The following C1GALT1C1L variants were observed in gnomAD, a reference collection of about 807,000 sequenced individuals.
The protein encoded by C1GALT1C1L is C1GALT1 specific chaperone 1 like.
Under a neutral mutation model 0.5 loss-of-function variants are expected in C1GALT1C1L, and 1 was observed. The observed-to-expected ratio is 2.11, with a 90% confidence interval of 0.75 to 10.02. The LOEUF (loss-of-function observed/expected upper bound fraction) is 10.02, where lower values mean the gene tolerates loss of function less well. Among genes scored for constraint, C1GALT1C1L ranks in the 30% most tolerant of loss-of-function variants. The probability of loss-of-function intolerance (pLI) is 0.13; values close to 1 mark genes in which losing one functional copy is unlikely to be tolerated. For missense variants in C1GALT1C1L, 444 were observed against 375.5 expected (o/e 1.18, Z -1.51); for synonymous variants, 148 against 132.6 (o/e 1.12, Z -0.80).
rs756926163 is a variant in C1GALT1C1L at position 43,675,960 on chromosome 2, C to G, written c.363G>C (p.Arg121Ser). ...TTTCAAAGACGTATTTGTAAGCGGT[C>G]CTCATCTGTACCCACCTGTCATTAC... Reference protein sequence around the residue: ...IESNDRWVQMRTAYKYVFEKY... With the variant: ...IESNDRWVQMSTAYKYVFEKY... The change falls in exon 1 of 1, where the codon AGG becomes AGC. Residue 121 changes from arginine (R) to serine (S), a missense_variant. Physicochemically the swap from Arg to Ser is moderately radical, Grantham distance 110. Transcript: ENST00000475092. The G allele has an allele frequency of 8.7e-6, 14 of 1,613,838 alleles. No individual in the cohort carries two copies. In the Admixed American group the frequency reaches 1.2e-4, roughly 13 times the overall value.
rs1456264744 is a variant in C1GALT1C1L at position 43,675,840 on chromosome 2, T to A, written c.483A>T (p.Ala161=). Residue 161 remains alanine, a synonymous_variant, in exon 1 of 1, where the codon GCA becomes GCT. Transcript: ENST00000475092. ...TGTGGCCCAGATAGAAGGGCTGGGA[T>A]GCATCCCTTGTAAACAAAAGGTACT... is the stretch of plus-strand genomic sequence containing the variant. The part of the protein sequence containing the change: ...NLKYLLFTRD[A]SQPFYLGHTV... 2.5e-6 allele frequency: 4 copies of A among 1,613,898 alleles called. No individual in the cohort carries two copies. The highest frequency in any genetic ancestry group is 3.4e-6 in the Non-Finnish European group (4 of 1,179,916).
Position 43,675,335 on chromosome 2 carries a change from A to T in C1GALT1C1L, c.*40T>A, listed in dbSNP as rs1275306257. The T allele has an allele frequency of 1.6e-5, 22 of 1,402,778 alleles. No homozygotes were observed. The highest frequency in any genetic ancestry group is 2.1e-5 in the Non-Finnish European group (22 of 1,047,064). 86.9% of individuals were successfully genotyped at this position (1,402,778 alleles called of 1,614,324 possible). ...TCAGAATTTGGACTAGCCACATTTC[A>T]AGTGCTCTTGGACAGCACAGGTCTA... On this transcript the variant is annotated 3_prime_UTR_variant, in exon 1 of 1. Coordinates refer to ENST00000475092, the MANE Select transcript of C1GALT1C1L (RefSeq NM_001101330.3).
At position 43,676,094 on chromosome 2, in the gene C1GALT1C1L, C is replaced by T. The variant is rs772335664; in HGVS notation, c.229G>A (p.Glu77Lys). Residue 77 changes from glutamate to lysine, a missense_variant, in exon 1 of 1, where the codon GAA becomes AAA. By Grantham distance (56) the Glu-to-Lys change is moderately conservative. Transcript: ENST00000475092. ...SIRVFCIIFG[E>K]SEDESYWAVL... ...GCCCAGTAACTCTCATCTTCGGATT[C>T]TCCAAAGATGATACAGAAAACACGA... 18 of 1,613,666 alleles carry T rather than the reference C, an allele frequency of 1.1e-5. No homozygotes were observed. The highest frequency in any genetic ancestry group is 1.7e-5 in the Admixed American group (1 of 59,984).
chr2:43,675,180 C>A lies in C1GALT1C1L; in HGVS notation c.*195G>T. On this transcript the variant is annotated 3_prime_UTR_variant, in exon 1 of 1. Coordinates refer to ENST00000475092, the MANE Select transcript of C1GALT1C1L (RefSeq NM_001101330.3). ...TTTTAATAGTATATTTTATTTAATG[C>A]AAAATATCCAAAACATTATTTCAAT... 2.3e-6 allele frequency: 1 copy of A among 427,824 alleles called. No individual in the cohort carries two copies. 26.5% of individuals were successfully genotyped at this position (427,824 alleles called of 1,614,324 possible). A position where few individuals can be genotyped will look rare whatever the true frequency, so the allele number is the denominator to read the frequency against.
At position 43,676,410 on chromosome 2, in the gene C1GALT1C1L, G is replaced by T. The variant is rs1472274588; in HGVS notation, c.-88C>A. The T allele has an allele frequency of 9.1e-6, 10 of 1,097,534 alleles. No individual in the cohort carries two copies. Among genetic ancestry groups the T allele is most frequent in the East Asian group, 2.5e-5 (1 of 40,406 alleles). 68.0% of individuals were successfully genotyped at this position (1,097,534 alleles called of 1,614,324 possible). A position where few individuals can be genotyped will look rare whatever the true frequency, so the allele number is the denominator to read the frequency against. On this transcript the variant is annotated 5_prime_UTR_variant, in exon 1 of 1. Transcript: ENST00000475092. ...CGCGCCTTCCGGAGCTGGCGGCTGC[G>T]CTCCCGGTTGGGCCACTCTAGCTGC...
chr2:43,676,183 G>A lies in C1GALT1C1L; in HGVS notation c.140C>T (p.Pro47Leu). The A allele has an allele frequency of 6.2e-7, 1 of 1,614,036 alleles. No homozygotes were observed. The highest frequency in any genetic ancestry group is 8.5e-7 in the Non-Finnish European group (1 of 1,179,898). ...TQDHEHHHLR[P>L]PNRNDFLNTS... Reference sequence around the variant, plus strand: ...GTTTAAGAAATCGTTCCTGTTAGGTGGACGAAGGTGATGGTGCTCGTGGTC... The same window carrying A: ...GTTTAAGAAATCGTTCCTGTTAGGTAGACGAAGGTGATGGTGCTCGTGGTC... The change falls in exon 1 of 1, where the codon CCA becomes CTA. Residue 47 changes from proline (P) to leucine (L), a missense_variant. Pro to Leu is a moderately conservative substitution (Grantham distance 98). Coordinates refer to ENST00000475092, the MANE Select transcript of C1GALT1C1L (RefSeq NM_001101330.3).
chr2:43,675,613 T>C lies in C1GALT1C1L; in HGVS notation c.710A>G (p.Tyr237Cys), dbSNP rs1307430590. Residue 237 changes from tyrosine to cysteine, a missense_variant, in exon 1 of 1, where the codon TAT becomes TGT. Coordinates refer to ENST00000475092, the MANE Select transcript of C1GALT1C1L (RefSeq NM_001101330.3). ...TGTATTAAATACATCTCTTCCTTCA[T>C]AATCCTCTGCATTTTCTGCATGAAC... ...AGVHAENAED[Y>C]EGRDVFNTKP... 1 of 1,613,826 alleles carries C rather than the reference T, an allele frequency of 6.2e-7. No individual in the cohort carries two copies. The highest frequency in any genetic ancestry group is 1.3e-5 in the African/African-American group (1 of 75,066).
chr2:43,676,313 C>G lies in C1GALT1C1L; in HGVS notation c.10G>C (p.Ala4Pro). MVS[A>P]SGTSFFKGML... ...CCCTTAAAAAATGATGTCCCACTAG[C>G]GGAAACCATTTTCCAGGCGTTAGGA... Residue 4 changes from alanine to proline, a missense_variant, in exon 1 of 1, where the codon GCT (alanine) becomes CCT (proline). Transcript: ENST00000475092. The G allele has an allele frequency of 6.2e-7, 1 of 1,605,962 alleles. No homozygotes were observed. The highest frequency in any genetic ancestry group is 8.5e-7 in the Non-Finnish European group (1 of 1,176,166).
In C1GALT1C1L at chr2:43,676,380, G is replaced by C. The variant is rs1667791332; in HGVS notation, c.-58C>G. ...AAGGCAGCCTGGGACCGGGTCCTGG[G>C]GTCCCGCGCCTTCCGGAGCTGGCGG... On this transcript the variant is annotated 5_prime_UTR_variant, in exon 1 of 1. Coordinates refer to ENST00000475092, the MANE Select transcript of C1GALT1C1L (RefSeq NM_001101330.3). 4.2e-6 allele frequency: 6 copies of C among 1,415,778 alleles called. No individual in the cohort carries two copies. The Admixed American group carries it at 9.6e-5, about 23-fold the overall frequency. 87.7% of individuals were successfully genotyped at this position (1,415,778 alleles called of 1,614,324 possible). A position where few individuals can be genotyped will look rare whatever the true frequency, so the allele number is the denominator to read the frequency against.
Position 43,676,262 on chromosome 2 carries a change from C to G in C1GALT1C1L, c.61G>C (p.Val21Leu). Residue 21 changes from valine (V) to leucine (L), a missense_variant, in exon 1 of 1, where the codon GTT becomes CTT. Val to Leu is a conservative substitution (Grantham distance 32, BLOSUM62 1). Coordinates refer to ENST00000475092, the MANE Select transcript of C1GALT1C1L (RefSeq NM_001101330.3). ...ATTTGGCCAAACATAGTTATCAAAA[C>G]CCAGGAAATGCTCCCAAGCAACATA... ...KGMLLGSISW[V>L]LITMFGQIHI... The G allele has an allele frequency of 6.2e-7, 1 of 1,613,560 alleles. No individual in the cohort carries two copies. The highest frequency in any genetic ancestry group is 8.5e-7 in the Non-Finnish European group (1 of 1,179,782).
In C1GALT1C1L at chr2:43,675,735, G is replaced by T; in HGVS notation, c.588C>A (p.Asn196Lys). 6.2e-7 allele frequency: 1 copy of T among 1,613,802 alleles called. No individual in the cohort carries two copies. Among genetic ancestry groups the T allele is most frequent in the Non-Finnish European group, 8.5e-7 (1 of 1,179,850 alleles). Reference sequence around the variant, plus strand: ...AGGTCTCAGAGTTATCGAGAAGTCTGTTAAGTCTTTTCATCAACTCTCTGC... The same window carrying T: ...AGGTCTCAGAGTTATCGAGAAGTCTTTTAAGTCTTTTCATCAACTCTCTGC... The part of the protein sequence containing the change: ...VLSRELMKRL[N>K]RLLDNSETCA... Residue 196 changes from asparagine to lysine, a missense_variant, in exon 1 of 1, where the codon AAC (asparagine) becomes AAA (lysine). Coordinates refer to ENST00000475092, the MANE Select transcript of C1GALT1C1L (RefSeq NM_001101330.3).
chr2:43,675,584 G>C lies in C1GALT1C1L; in HGVS notation c.739C>G (p.Pro247Ala), dbSNP rs370925278. The change falls in exon 1 of 1, where the codon CCA (proline) becomes GCA (alanine). Residue 247 changes from proline (P) to alanine (A), a missense_variant. Transcript: ENST00000475092. ...YEGRDVFNTK[P>A]IAQLIEEALS... ...GCCTCTTCAATAAGCTGTGCGATTG[G>C]TTTTGTATTAAATACATCTCTTCCT... The C allele has an allele frequency of 4.3e-6, 7 of 1,613,522 alleles. No homozygotes were observed. The highest frequency in any genetic ancestry group is 5.9e-6 in the Non-Finnish European group (7 of 1,179,746).
At position 43,675,358 on chromosome 2, in the gene C1GALT1C1L, C is replaced by G. The variant is rs775845896; in HGVS notation, c.*17G>C. 1.3e-6 allele frequency: 2 copies of G among 1,541,006 alleles called. No individual in the cohort carries two copies. Among genetic ancestry groups the G allele is most frequent in the African/African-American group, 2.7e-5 (2 of 73,328 alleles). On this transcript the variant is annotated 3_prime_UTR_variant, in exon 1 of 1. Transcript: ENST00000475092. ...TCAAGTGCTCTTGGACAGCACAGGTCTATTATTCTCCAGGCCTCAGTCATT... is the reference window on the plus strand; with the variant it reads ...TCAAGTGCTCTTGGACAGCACAGGTGTATTATTCTCCAGGCCTCAGTCATT...
chr2:43,675,618 CTCTGCATTT>C lies in C1GALT1C1L; in HGVS notation c.696_704del (p.Asn233_Glu235del). 7 of 1,613,646 alleles carry C rather than the reference CTCTGCATTT, an allele frequency of 4.3e-6. No individual in the cohort carries two copies. The highest frequency in any genetic ancestry group is 5.9e-6 in the Non-Finnish European group (7 of 1,179,782). ...TAAATACATCTCTTCCTTCATAATC[CTCTGCATTT>C]TCTGCATGAACTCCTGCATATTTCA... On this transcript the variant is annotated inframe_deletion, in exon 1 of 1. Coordinates refer to ENST00000475092, the MANE Select transcript of C1GALT1C1L (RefSeq NM_001101330.3).
chr2:43,675,945 G>C, the C1GALT1C1L span: 3 of 1,613,980 alleles, frequency 1.9e-6, no homozygotes, highest in Non-Finnish European at 1.7e-6. Flanking sequence ...TTTCAAAGAC[G>C]TATTTGTAAG....
Position 43,675,889 on chromosome 2 carries a change from G to A in C1GALT1C1L, c.434C>T (p.Thr145Met). 1 of 1,614,096 alleles carries A rather than the reference G, an allele frequency of 6.2e-7. No homozygotes were observed. Among genetic ancestry groups the A allele is most frequent in the Non-Finnish European group, 8.5e-7 (1 of 1,179,970 alleles). ...CTTTAAATTTTCAATGACAGCAAACGTAGTGGGAAGTGCAAGGAAGAACCA... is the reference window on the plus strand; with the variant it reads ...CTTTAAATTTTCAATGACAGCAAACATAGTGGGAAGTGCAAGGAAGAACCA... ...YNWFFLALPT[T>M]FAVIENLKYL... Residue 145 changes from threonine to methionine, a missense_variant, in exon 1 of 1, where the codon ACG (threonine) becomes ATG (methionine). Physicochemically the swap from Thr to Met is moderately conservative, Grantham distance 81 (BLOSUM62 -1). Coordinates refer to ENST00000475092, the MANE Select transcript of C1GALT1C1L (RefSeq NM_001101330.3).
chr2:43,675,832 G>A lies in C1GALT1C1L; in HGVS notation c.491C>T (p.Pro164Leu). ...YLLFTRDASQ[P>L]FYLGHTVIFG... Reference sequence around the variant, plus strand: ...TATAACAGTGTGGCCCAGATAGAAGGGCTGGGATGCATCCCTTGTAAACAA... The same window carrying A: ...TATAACAGTGTGGCCCAGATAGAAGAGCTGGGATGCATCCCTTGTAAACAA... Residue 164 changes from proline (P) to leucine (L), a missense_variant, in exon 1 of 1, where the codon CCC (proline) becomes CTC (leucine). By Grantham distance (98) the Pro-to-Leu change is moderately conservative. Coordinates refer to ENST00000475092, the MANE Select transcript of C1GALT1C1L (RefSeq NM_001101330.3). The A allele has an allele frequency of 6.2e-7, 1 of 1,613,932 alleles. No individual in the cohort carries two copies. The highest frequency in any genetic ancestry group is 8.5e-7 in the Non-Finnish European group (1 of 1,179,892).
In C1GALT1C1L at chr2:43,675,421, T is replaced by C; in HGVS notation, c.902A>G (p.Asn301Ser). 2 of 1,608,124 alleles carry C rather than the reference T, an allele frequency of 1.2e-6. No individual in the cohort carries two copies. The highest frequency in any genetic ancestry group is 1.7e-6 in the Non-Finnish European group (2 of 1,177,794). Reference protein sequence around the residue: ...YRLRAFGHYFNDTLVFLPPVG... With the variant: ...YRLRAFGHYFSDTLVFLPPVG... ...TGGAGGCAAGAAAACGAGTGTGTCA[T>C]TGAAATAGTGTCCAAATGCCCTGAG... The change falls in exon 1 of 1, where the codon AAT (asparagine) becomes AGT (serine). Residue 301 changes from asparagine (N) to serine (S), a missense_variant. Physicochemically the swap from Asn to Ser is conservative, Grantham distance 46 (BLOSUM62 1). Coordinates refer to ENST00000475092, the MANE Select transcript of C1GALT1C1L (RefSeq NM_001101330.3).
rs4952995 is a variant in C1GALT1C1L, at chr2:43,676,344, T to C, written c.-22A>G. ...CCATTTTCCAGGCGTTAGGACAGTG[T>C]GCCAGGGTCAAAGGCAGCCTGGGAC... On this transcript the variant is annotated 5_prime_UTR_variant, in exon 1 of 1. Transcript: ENST00000475092. 1,074,824 of 1,559,908 alleles carry C rather than the reference T, an allele frequency of 0.69. 375,700 individuals carry two copies. The highest frequency in any genetic ancestry group is 0.73 in the Middle Eastern group (4,232 of 5,790).
Sources: gnomAD v4.1 joint callset for allele counts on GRCh38, gnomAD v4.1.1 for gene constraint, MANE v1.5 for transcripts, NCBI Gene and HGNC (gene_info 2026-07-23, HGNC 2026-07-21) for gene names.